The following CFAP46 variants were observed in gnomAD, a reference collection of about 807,000 sequenced individuals.
CFAP46 encodes the protein cilia and flagella associated protein 46, also known as cilia- and flagella-associated protein 46.
CFAP46 carries 245 observed loss-of-function variants against 325.7 expected under a neutral mutation model. The observed-to-expected ratio is 0.75, with a 90% CI of 0.68 to 0.84. The LOEUF (loss-of-function observed/expected upper bound fraction) is 0.84. CFAP46 is among the 40% of genes least tolerant of loss of function. CFAP46 has a pLI of 0.00. For missense variants in CFAP46, 3,346 were observed against 3,543.0 expected (o/e 0.94, Z 1.41); for synonymous variants, 1,523 against 1,495.9 (o/e 1.02, Z -0.42).
At chr10:132,809,064 C>T (rs1265463576) in intron 57 of CFAP46, among the ~76,000 whole-genome samples, 160 bp from the exon 58 acceptor site, 1 of 152,178 alleles carries the variant, frequency 6.6e-6, no homozygotes, top group Non-Finnish European at 1.5e-5. Flanking sequence ...CCCCCACCAC[C>T]CGCACCCCTC....
chr10:132,834,534 G>C (rs539273952), intron 48 of CFAP46, 120 bp downstream of exon 48: 1 of 1,400,702 alleles, frequency 7.1e-7, no homozygotes, highest in South Asian at 1.4e-5. Flanking sequence ...AGGCGGCGCC[G>C]AGTCCTGAAC....
chr10:132,814,965 C>T (rs1847665047), intron 50 of CFAP46, 51 bp from the exon 51 acceptor site: 1 of 1,535,470 alleles, frequency 6.5e-7, no homozygotes, highest in Non-Finnish European at 9.0e-7. Flanking sequence ...CTCGAGGCAG[C>T]CCTCCGGCCA....
intron 35 of CFAP46, among the ~76,000 whole-genome samples, chr10:132,864,296 C>A (rs546511494): frequency 8.9e-5 from 12 of 134,138 alleles, no homozygotes; most frequent in African/African-American, 3.2e-4. Flanking sequence ...CTGCCTGAGA[C>A]CTGTACACAC....
chr10:132,908,665 G>A (rs1394433547), intron 21 of CFAP46, 31 bp from the exon 22 acceptor site: 17 of 1,501,206 alleles, frequency 1.1e-5, no homozygotes, highest in East Asian at 7.4e-5. Flanking sequence ...AAGGGGCACC[G>A]TGTTAGCAAC....
At chr10:132,931,000 T>C (rs1849890217) in intron 8 of CFAP46, among the ~76,000 whole-genome samples, 1 of 116,388 alleles carries the variant, frequency 8.6e-6, no homozygotes, top group South Asian at 3.3e-4. Context: ...ACACAGAGCC[T>C]GGGCCTTCCT....
chr10:132,887,043 CTCTCA>C (rs1849143260), intron 25 of CFAP46, among the ~76,000 whole-genome samples: 1 of 150,100 alleles, frequency 6.7e-6, no homozygotes, highest in Admixed American at 6.6e-5. Flanking sequence ...CTTCTTTCTC[CTCTCA>C]TCTTCTCTCT....
Position 132,847,418 on chromosome 10 carries a change from C to T in CFAP46, c.5953-97G>A. 1 of 1,462,636 alleles carries T rather than the reference C, an allele frequency of 6.8e-7. No individual in the cohort carries two copies. The highest frequency in any genetic ancestry group is 9.4e-7 in the Non-Finnish European group (1 of 1,063,450). 90.6% of individuals were successfully genotyped at this position (1,462,636 alleles called of 1,614,324 possible). On this transcript the variant is annotated intron_variant, in intron 41 of 57. Coordinates refer to ENST00000368586, the MANE Select transcript of CFAP46 (RefSeq NM_001200049.3). This position sits in a 1 kb window ranked among gnomAD's most constrained non-coding sequence, Gnocchi z 5.2. ...GGGAGGCCGGGGTGGTCGGGCTCCTCAGCAGGGTCCCCGGGTAGGGGGTAC... is the reference window on the plus strand; with the variant it reads ...GGGAGGCCGGGGTGGTCGGGCTCCTTAGCAGGGTCCCCGGGTAGGGGGTAC...
At position 132,913,194 on chromosome 10, in the gene CFAP46, G is replaced by C. The variant is rs748920943; in HGVS notation, c.2185C>G (p.Gln729Glu). ...NNWLRSAEIG[Q>E]EIQEAWIVQN... Reference sequence around the variant, plus strand: ...ACAATCCACGCCTCCTGGATCTCCTGTCCGATCTCTGCGGAGCGCAGCCAG... The same window carrying C: ...ACAATCCACGCCTCCTGGATCTCCTCTCCGATCTCTGCGGAGCGCAGCCAG... Residue 729 changes from glutamine to glutamate, a missense_variant, in exon 18 of 58, where the codon CAG becomes GAG. By Grantham distance (29) the Gln-to-Glu change is conservative (BLOSUM62 2). Transcript: ENST00000368586. The C allele has an allele frequency of 6.4e-7, 1 of 1,550,482 alleles. No individual in the cohort carries two copies. The highest frequency in any genetic ancestry group is 1.2e-5 in the South Asian group (1 of 84,066).
At chr10:132,937,708 G>C in intron 5 of CFAP46, 33 bp from the exon 6 acceptor site, 1 of 1,566,428 alleles carries the variant, frequency 6.4e-7, no homozygotes, top group Admixed American at 2.0e-5. Context: ...TGGTCAACCT[G>C]GTTGAAACTG....
Position 132,936,951 on chromosome 10 carries a change from A to C in CFAP46, c.755+10T>G, listed in dbSNP as rs1238116891. On this transcript the variant is annotated intron_variant, in intron 7 of 57. Transcript: ENST00000368586. ...ACTCAGTATTTGCTCTCCCTCCCAA[A>C]ACGACTTACGCCTTTAGCATATTAA... 1 of 1,500,972 alleles carries C rather than the reference A, an allele frequency of 6.7e-7. No homozygotes were observed. The highest frequency in any genetic ancestry group is 2.3e-5 in the East Asian group (1 of 42,560). The allele number at this position is 1,500,972 out of a possible 1,614,324, so 93.0% of individuals were successfully genotyped here.
At chr10:132,914,064 C>T (rs1406270952) in intron 17 of CFAP46, among the ~76,000 whole-genome samples, 1 of 146,986 alleles carries the variant, frequency 6.8e-6, no homozygotes, top group African/African-American at 2.5e-5. Context: ...CACCCCGGCC[C>T]GAGGCTGTGT....
rs12252434 is a variant in CFAP46 at position 132,897,240 on chromosome 10, G to T, written c.3219+1719C>A. Among the ~76,000 whole-genome samples, 459 of 152,230 alleles carry T rather than the reference G, an allele frequency of 3.0e-3. 2 individuals are homozygous for T. Among genetic ancestry groups the T allele is most frequent in the African/African-American group, 9.9e-3 (411 of 41,550 alleles). ...GACACCAAAGACACAGGCAACAAAA[G>T]AAAAAATAGATAAACTGAACCTCTT... On this transcript the variant is annotated intron_variant, in intron 24 of 57. Coordinates refer to ENST00000368586, the MANE Select transcript of CFAP46 (RefSeq NM_001200049.3).
At chr10:132,849,417 G>A (rs1361873133) in intron 41 of CFAP46, among the ~76,000 whole-genome samples, 1 of 152,140 alleles carries the variant, frequency 6.6e-6, no homozygotes, top group Non-Finnish European at 1.5e-5. Context: ...GGCACATATG[G>A]CGTGGTTGCT....
At chr10:132,861,793 C>G (rs950119597) in intron 35 of CFAP46, among the ~76,000 whole-genome samples, 7 of 152,218 alleles carry the variant, frequency 4.6e-5, no homozygotes, top group Non-Finnish European at 2.9e-5. Context: ...ACAAGAGGCT[C>G]TGTGTGCTCG....
chr10:132,891,113 G>A (rs1005914841), intron 25 of CFAP46, among the ~76,000 whole-genome samples: 10 of 152,170 alleles, frequency 6.6e-5, no homozygotes, highest in African/African-American at 2.2e-4. Flanking sequence ...AGAAAAATGC[G>A]ATTTATCTGT....
Position 132,814,659 on chromosome 10 carries a change from GC to G in CFAP46, c.7249+26del, listed in dbSNP as rs199832590. The G allele has an allele frequency of 3.4e-5, 54 of 1,583,156 alleles. 1 individual carries two copies. In the Middle Eastern group the frequency reaches 8.4e-4, roughly 25 times the overall value. On this transcript the variant is annotated intron_variant, in intron 52 of 57. Transcript: ENST00000368586. ...ACGGGAGCACAGGGCGGGGTCTGGGGCCCCCCCGGGGCCCATCAAAGGATAC... is the reference window on the plus strand; with the variant it reads ...ACGGGAGCACAGGGCGGGGTCTGGGGCCCCCCGGGGCCCATCAAAGGATAC...
At chr10:132,913,689 C>T (rs1237295745) in intron 17 of CFAP46, among the ~76,000 whole-genome samples, 2 of 152,256 alleles carry the variant, frequency 1.3e-5, no homozygotes, top group East Asian at 1.9e-4. Flanking sequence ...AAGTGTGAGA[C>T]GGTCTTTCCC....
intron 55 of CFAP46, among the ~76,000 whole-genome samples, chr10:132,812,230 C>T (rs1190663386): frequency 6.6e-6 from 1 of 152,244 alleles, no homozygotes. Flanking sequence ...GCTGTGCTCA[C>T]GCCACGCCCC....
chr10:132,818,196 C>T (rs1847730284), intron 50 of CFAP46, among the ~76,000 whole-genome samples: 1 of 152,102 alleles, frequency 6.6e-6, no homozygotes, highest in African/African-American at 2.4e-5. Flanking sequence ...CAGTGGTGGC[C>T]GCGCCGGGCA....
Sources: allele counts gnomAD v4.1 joint callset (sites outside exome capture counted in the v4.1 genomes callset), GRCh38; gene constraint gnomAD v4.1.1; non-coding constraint Gnocchi (gnomAD v3.1); transcripts MANE v1.5; gene names NCBI Gene and HGNC (gene_info 2026-07-23, HGNC 2026-07-21).